Variants in DENND1A observed in about 807,000 individuals in gnomAD.
DENND1A encodes DENN domain-containing protein 1A.
DENND1A carries 51 observed loss-of-function variants against 113.7 expected under a neutral mutation model. The observed-to-expected ratio is 0.45, with a 90% CI of 0.36 to 0.57. The LOEUF is 0.57. Among genes scored for constraint, DENND1A ranks in the 20% least tolerant of loss-of-function variants. DENND1A has a pLI of 0.00. For missense variants in DENND1A, 1,258 were observed against 1,395.9 expected, an observed-to-expected ratio of 0.90 and a Z score of 1.57; for synonymous variants, 565 against 570.8, an observed-to-expected ratio of 0.99 and a Z score of 0.14.
intron 13 of DENND1A, among the ~76,000 whole-genome samples, chr9:123,496,669 G>T (rs1183400877): frequency 6.6e-6 from 1 of 152,178 alleles, no homozygotes; most frequent in Non-Finnish European, 1.5e-5. Flanking sequence ...GCGGAACTGC[G>T]CAAATATCCT....
chr9:123,501,378 T>C (rs962371138), intron 13 of DENND1A, among the ~76,000 whole-genome samples: 2 of 152,222 alleles, frequency 1.3e-5, no homozygotes, highest in African/African-American at 2.4e-5. Context: ...ATTTTAGCTA[T>C]TGTGAATAGT....
At chr9:123,821,744 C>T (rs985049570) in intron 2 of DENND1A, among the ~76,000 whole-genome samples, 3 of 152,192 alleles carry the variant, frequency 2.0e-5, no homozygotes, top group South Asian at 2.1e-4. Context: ...TCCAGCTTTG[C>T]GGAGGACAGG....
At chr9:123,787,205 C>T (rs1005073563) in intron 3 of DENND1A, among the ~76,000 whole-genome samples, 4 of 152,020 alleles carry the variant, frequency 2.6e-5, no homozygotes, top group African/African-American at 9.7e-5. Flanking sequence ...TTTTATACTT[C>T]CTGTAAATAT....
intron 8 of DENND1A, among the ~76,000 whole-genome samples, chr9:123,665,516 T>C (rs187787191): frequency 6.6e-6 from 1 of 152,308 alleles, no homozygotes; most frequent in Admixed American, 6.5e-5. Flanking sequence ...TCCCAACTTA[T>C]CAAGACTGTT....
intron 4 of DENND1A, among the ~76,000 whole-genome samples, chr9:123,768,379 G>A (rs533731132): frequency 1.3e-5 from 2 of 152,224 alleles, no homozygotes; most frequent in East Asian, 1.9e-4. Flanking sequence ...AATAAACCAC[G>A]ACAGTGGTAT....
rs577150288 is a variant in DENND1A, at chr9:123,601,446, G to C, written c.765+7990C>G. Among the ~76,000 whole-genome samples, 211 of 152,290 alleles carry C rather than the reference G, an allele frequency of 1.4e-3. 1 individual carries two copies. The highest frequency in any genetic ancestry group is 2.5e-3 in the Non-Finnish European group (170 of 68,022). On this transcript the variant is annotated intron_variant, in intron 11 of 23. Transcript: ENST00000394215. ...AGGGAAATCTATCCACTCAATCCAG[G>C]GCCTTCCTCGAGGCCTAAGGTGAGC...
chr9:123,530,617 G>A (rs911166176), intron 13 of DENND1A, among the ~76,000 whole-genome samples: 5 of 152,128 alleles, frequency 3.3e-5, no homozygotes, highest in African/African-American at 9.7e-5. Context: ...TATTTTGTTA[G>A]TTTTTTTAAA....
intron 12 of DENND1A, among the ~76,000 whole-genome samples, chr9:123,582,915 T>G (rs2058988181): frequency 6.8e-6 from 1 of 148,104 alleles, no homozygotes; most frequent in Non-Finnish European, 1.5e-5. Context: ...CCCAGGCTGG[T>G]CTCGAACTCC....
chr9:123,727,113 G>A (rs1233446577), intron 5 of DENND1A, among the ~76,000 whole-genome samples: 1 of 152,138 alleles, frequency 6.6e-6, no homozygotes, highest in Non-Finnish European at 1.5e-5. Context: ...TCTCTACTTG[G>A]CTAGTGTGTA....
intron 13 of DENND1A, among the ~76,000 whole-genome samples, chr9:123,546,274 C>T (rs995949417): frequency 7.9e-5 from 12 of 151,994 alleles, no homozygotes; most frequent in East Asian, 1.9e-4. Context: ...ATTGGCCGGG[C>T]GAGGTGGCTC....
intron 1 of DENND1A, among the ~76,000 whole-genome samples, chr9:123,888,399 G>A (rs1436678384): frequency 6.6e-6 from 1 of 152,166 alleles, no homozygotes; most frequent in Non-Finnish European, 1.5e-5. Flanking sequence ...ATGAGAAATG[G>A]TATATTTACA....
chr9:123,385,379 G>A (rs1370430622), intron 22 of DENND1A, among the ~76,000 whole-genome samples: 1 of 152,200 alleles, frequency 6.6e-6, no homozygotes, highest in African/African-American at 2.4e-5. Flanking sequence ...TGGCCAGGCT[G>A]GTCTCGAACT....
intron 1 of DENND1A, among the ~76,000 whole-genome samples, chr9:123,895,280 T>C (rs373337210): frequency 2.7e-4 from 41 of 152,156 alleles, no homozygotes; most frequent in African/African-American, 8.9e-4. Flanking sequence ...AAATAATGGT[T>C]TTTTTCCATC....
chr9:123,664,016 C>T lies in DENND1A; in HGVS notation c.507+3010G>A, dbSNP rs997720664. On this transcript the variant is annotated intron_variant, in intron 8 of 23. Transcript: ENST00000394215. ...AGGCCTTCCAGGGCTGCCAAAGCAA[C>T]ACTGGGGTTCCCGGTTGCACACTTT... Among the ~76,000 whole-genome samples the T allele has an allele frequency of 2.0e-5, 3 of 152,270 alleles. No homozygotes were observed. The South Asian group carries it at 6.2e-4, about 32-fold the overall frequency.
chr9:123,732,266 A>G (rs2068231989), intron 5 of DENND1A, among the ~76,000 whole-genome samples: 1 of 152,230 alleles, frequency 6.6e-6, no homozygotes, highest in East Asian at 1.9e-4. Context: ...TTTTATTCAT[A>G]ATCATAAAAC....
intron 12 of DENND1A, 66 bp downstream of exon 12, chr9:123,583,103 C>G: frequency 8.0e-7 from 1 of 1,252,080 alleles, no homozygotes; most frequent in Admixed American, 2.0e-5. Flanking sequence ...CCCCATTCCC[C>G]AAAGTCACGT....
chr9:123,472,025 T>C (rs533051593), intron 13 of DENND1A, among the ~76,000 whole-genome samples: 1 of 152,068 alleles, frequency 6.6e-6, no homozygotes, highest in Non-Finnish European at 1.5e-5. Context: ...AGCTATAAAT[T>C]GGGGAAACTA....
intron 13 of DENND1A, among the ~76,000 whole-genome samples, chr9:123,522,154 T>G (rs1019031849): frequency 6.6e-6 from 1 of 152,190 alleles, no homozygotes; most frequent in African/African-American, 2.4e-5. Context: ...ACAAATGTTT[T>G]ATTTGGTTTC....
In DENND1A at chr9:123,583,205, G is replaced by T. The variant is rs753673261; in HGVS notation, c.831C>A (p.Thr277=). Residue 277 remains threonine (T), a synonymous_variant, in exon 12 of 24, where the codon ACC becomes ACA. Transcript: ENST00000394215. ...GGAGGCTCTGGAGGTCATCGAAGGG[G>T]GTTTCCAGGGTGTTGGTGTCCACAT... The part of the protein sequence containing the change: ...ILNVDTNTLE[T]PFDDLQSLPN... 3.1e-6 allele frequency: 5 copies of T among 1,612,674 alleles called. No individual in the cohort carries two copies. Among genetic ancestry groups the T allele is most frequent in the Non-Finnish European group, 4.2e-6 (5 of 1,179,260 alleles).
Sources: allele counts gnomAD v4.1 joint callset (sites outside exome capture counted in the v4.1 genomes callset), GRCh38; gene constraint gnomAD v4.1.1; transcripts MANE v1.5; gene names NCBI Gene and HGNC (gene_info 2026-07-23, HGNC 2026-07-21).